AMPD3: variants seen among roughly 807,000 people sequenced by gnomAD.
The protein encoded by AMPD3 is AMP deaminase 3.
In AMPD3, 57 loss-of-function variants were observed where a neutral mutation model predicts 82.3. The observed-to-expected ratio is 0.69, with a 90% CI of 0.56 to 0.86. AMPD3 has a LOEUF of 0.86. Ranked by LOEUF, AMPD3 falls within the 40% of genes least tolerant of loss-of-function variation. The pLI is 0.00. For missense variants in AMPD3, 870 were observed against 1,003.8 expected (o/e 0.87, Z 1.80); for synonymous variants, 381 against 394.7 (o/e 0.97, Z 0.41).
chr11:10,495,672 T>C lies in AMPD3; in HGVS notation c.1369T>C (p.Phe457Leu), dbSNP rs560583400. The change falls in exon 9 of 15, where the codon TTC becomes CTC. Residue 457 changes from phenylalanine (F) to leucine (L), a missense_variant. Physicochemically the swap from Phe to Leu is conservative, Grantham distance 22 (BLOSUM62 0). Transcript: ENST00000396553. ...GGAGTGGCCCAACCTGGCCTACTGG[T>C]TCATCCAGCACAAGGTCTACTCTCC... The part of the protein sequence containing the change: ...PEEWPNLAYW[F>L]IQHKVYSPNM... 32 of 1,614,156 alleles carry C rather than the reference T, an allele frequency of 2.0e-5. No individual in the cohort carries two copies. In the African/African-American group the frequency reaches 3.3e-4, roughly 17 times the overall value.
At chr11:10,464,737 G>A (rs983987743) in intron 2 of AMPD3, among the ~76,000 whole-genome samples, 2 of 152,118 alleles carry the variant, frequency 1.3e-5, no homozygotes, top group Admixed American at 6.5e-5. Flanking sequence ...GTAAATGTTC[G>A]AAAGTTAACA....
At chr11:10,459,156 C>T (rs149710565) in intron 1 of AMPD3, among the ~76,000 whole-genome samples, 62 of 152,278 alleles carry the variant, frequency 4.1e-4, no homozygotes, top group Admixed American at 2.4e-3. Context: ...TGTCTGCTCC[C>T]CAGACAGTTG....
chr11:10,495,544 G>T (rs758941356), intron 8 of AMPD3, 26 bp from the exon 9 acceptor site: 11 of 1,612,264 alleles, frequency 6.8e-6, no homozygotes, highest in Non-Finnish European at 9.3e-6. Flanking sequence ...ATGCACTGGG[G>T]CTGACCCAAG....
upstream of AMPD3, among the ~76,000 whole-genome samples, chr11:10,453,031 C>T (rs773643771): frequency 1.3e-5 from 2 of 152,120 alleles, no homozygotes; most frequent in Non-Finnish European, 2.9e-5. Context: ...CTCACTGCAA[C>T]CTCCACCTCC....
intron 7 of AMPD3, chr11:10,493,852 C>T (rs142562544): frequency 6.2e-6 from 3 of 485,476 alleles, no homozygotes; most frequent in Non-Finnish European, 1.1e-5. Flanking sequence ...ATGGTGACAG[C>T]CATGTGCCTT....
rs773902374 is a variant in AMPD3, at chr11:10,487,289, T to A, written c.864T>A (p.His288Gln). 1.9e-6 allele frequency: 3 copies of A among 1,592,892 alleles called. No homozygotes were observed. The South Asian group carries it at 3.3e-5, about 18-fold the overall frequency. ...LNFLESKFSL[H>Q]EMLNEMSEFK... ...TTCTGGAATCCAAGTTCAGCCTTCA[T>A]GAGATGTTAAACGAAATGTCCGAGT... Residue 288 changes from histidine to glutamine, a missense_variant, in exon 6 of 15, where the codon CAT (histidine) becomes CAA (glutamine). Transcript: ENST00000396553.
At chr11:10,485,086 C>T in intron 5 of AMPD3, 47 bp downstream of exon 5, 1 of 1,558,110 alleles carries the variant, frequency 6.4e-7, no homozygotes, top group Non-Finnish European at 8.7e-7. Context: ...AGGTGCTGTT[C>T]TGTAGGAAGG....
intron 2 of AMPD3, among the ~76,000 whole-genome samples, chr11:10,462,530 C>T (rs1361633614): frequency 1.3e-5 from 2 of 152,180 alleles, no homozygotes; most frequent in African/African-American, 4.8e-5. Flanking sequence ...GAGATGGAGG[C>T]AGGCAATACC....
At chr11:10,482,868 C>T (rs1004708840) in intron 4 of AMPD3, among the ~76,000 whole-genome samples, 3 of 152,098 alleles carry the variant, frequency 2.0e-5, no homozygotes, top group African/African-American at 7.2e-5. Context: ...CAGTAAATGC[C>T]AAATTGGTGG....
rs1362687330 is a variant in AMPD3 at position 10,504,826 on chromosome 11, G to A, written c.2127+167G>A. 3.7e-4 allele frequency among the ~76,000 whole-genome samples: 57 copies of A among 152,172 alleles called. 1 individual carries two copies. The highest frequency in any genetic ancestry group is 3.7e-3 in the Admixed American group (56 of 15,280). ...GGCAGCCTCCTGTGTTTTCATGGCT[G>A]CTTCCTCACCCTTCTCAGACCTCTA... On this transcript the variant is annotated intron_variant, in intron 14 of 14. Coordinates refer to ENST00000396553, the MANE Select transcript of AMPD3 (RefSeq NM_001025389.2).
chr11:10,500,427 G>C (rs1236720597), intron 11 of AMPD3, 178 bp downstream of exon 11: 1 of 528,060 alleles, frequency 1.9e-6, no homozygotes, highest in Non-Finnish European at 2.4e-6. Context: ...GCTATATGAG[G>C]CATGTCTCCA....
At chr11:10,476,420 GGT>G (rs1355970101) in intron 2 of AMPD3, among the ~76,000 whole-genome samples, 2 of 152,030 alleles carry the variant, frequency 1.3e-5, no homozygotes, top group African/African-American at 4.8e-5. Context: ...GGACAAGCCT[GGT>G]AGGCTGTTGG....
chr11:10,484,738 A>G, intron 4 of AMPD3, 82 bp from the exon 5 acceptor site: 7 of 1,531,090 alleles, frequency 4.6e-6, no homozygotes, highest in Non-Finnish European at 6.3e-6. Flanking sequence ...CAGGAAGGCC[A>G]GCGCAGGCCT....
intron 2 of AMPD3, chr11:10,477,783 C>A: frequency 2.8e-6 from 2 of 724,300 alleles, no homozygotes; most frequent in Non-Finnish European, 3.4e-6. Flanking sequence ...GCCACTGTGC[C>A]ATGGGCCGTG....
chr11:10,461,768 T>C, intron 2 of AMPD3, 28 bp downstream of exon 2: 1 of 1,574,740 alleles, frequency 6.4e-7, no homozygotes, highest in Non-Finnish European at 8.6e-7. Context: ...GGTTTTCGTG[T>C]ACATAGAGTC....
rs1848765802 is a variant in AMPD3, at chr11:10,477,192, A to G, written c.222-1334A>G. The G allele has an allele frequency of 4.9e-6, 4 of 817,826 alleles. No individual in the cohort carries two copies. The South Asian group carries it at 1.7e-4, about 34-fold the overall frequency. The allele number at this position is 817,826 out of a possible 1,614,324, so 50.7% of individuals were successfully genotyped here. On this transcript the variant is annotated intron_variant, in intron 2 of 14. Transcript: ENST00000396553. ...TATTTGGGGATCAACTGATTTCTTC[A>G]GGCCTGTAGGTATCACACTAGTACC...
chr11:10,478,017 A>G (rs922987181), intron 2 of AMPD3: 4 of 985,436 alleles, frequency 4.1e-6, no homozygotes, highest in Non-Finnish European at 4.8e-6. Context: ...TTCTGGCTCC[A>G]ATGCCCCAAA....
upstream of AMPD3, among the ~76,000 whole-genome samples, chr11:10,453,464 TC>T (rs1848010427): frequency 1.3e-5 from 2 of 152,094 alleles, no homozygotes; most frequent in Admixed American, 1.3e-4. Context: ...AGCAAGTGAA[TC>T]CCCTTTGTCC....
chr11:10,461,779 A>G lies in AMPD3; in HGVS notation c.221+39A>G, dbSNP rs781089888. ...GCATGGTTTTCGTGTACATAGAGTCATGCAGACCCAGGCAGGCTGTGGGTG... is the reference window on the plus strand; with the variant it reads ...GCATGGTTTTCGTGTACATAGAGTCGTGCAGACCCAGGCAGGCTGTGGGTG... On this transcript the variant is annotated intron_variant, in intron 2 of 14. Coordinates refer to ENST00000396553, the MANE Select transcript of AMPD3 (RefSeq NM_001025389.2). 1.3e-5 allele frequency: 21 copies of G among 1,558,316 alleles called. No individual in the cohort carries two copies. In the East Asian group the frequency reaches 4.5e-4, roughly 34 times the overall value.
Sources: gnomAD v4.1 joint callset for allele counts (sites outside exome capture counted in the v4.1 genomes callset) on GRCh38, gnomAD v4.1.1 for gene constraint, MANE v1.5 for transcripts, NCBI Gene and HGNC (gene_info 2026-07-23, HGNC 2026-07-21) for gene names.